Variants in ARHGAP6 observed in about 807,000 individuals in gnomAD.
ARHGAP6 encodes the protein Rho GTPase activating protein 6.
A neutral mutation model predicts 55.7 loss-of-function variants in ARHGAP6; 16 were observed. The ratio of observed to expected loss-of-function variants is 0.29; its 90% confidence interval spans 0.19 to 0.44. The LOEUF is 0.44. Ranked by LOEUF, ARHGAP6 falls within the 20% of genes least tolerant of loss-of-function variation. The pLI is 1.00. For synonymous variants in ARHGAP6, 382 were observed against 360.9 expected (o/e 1.06, Z -0.66); for missense variants, 698 against 808.9 (o/e 0.86, Z 1.66).
intron 1 of ARHGAP6, among the ~76,000 whole-genome samples, chrX:11,313,808 G>A (rs2048326347): frequency 8.9e-6 from 1 of 112,232 alleles, no homozygotes. Context: ...ATTGAAGGAA[G>A]ACAAGTACGC....
At chrX:11,400,657 G>A (rs1325017599) in intron 1 of ARHGAP6, among the ~76,000 whole-genome samples, 2 of 110,618 alleles carry the variant, frequency 1.8e-5, no homozygotes, top group Non-Finnish European at 3.8e-5. Context: ...TTAGATTTCT[G>A]TCCCACTCAA....
intron 5 of ARHGAP6, among the ~76,000 whole-genome samples, chrX:11,182,413 C>T (rs945008647): frequency 9.0e-6 from 1 of 111,287 alleles, no homozygotes; most frequent in Non-Finnish European, 1.9e-5. Context: ...TGTCCATTAT[C>T]CAGAATTATT....
chrX:11,574,830 T>C (rs910355281), intron 1 of ARHGAP6, among the ~76,000 whole-genome samples: 28 of 110,249 alleles, frequency 2.5e-4, no homozygotes, highest in African/African-American at 4.0e-4. Flanking sequence ...GAAAACCCCA[T>C]TGTCTCAGCC....
intron 3 of ARHGAP6, among the ~76,000 whole-genome samples, chrX:11,191,381 A>G (rs977822209): frequency 2.1e-4 from 24 of 112,207 alleles, no homozygotes; most frequent in Admixed American, 9.4e-4. Context: ...AGCCACAGAC[A>G]GTAAGTAAAT....
chrX:11,415,122 A>T (rs746313919), intron 1 of ARHGAP6, among the ~76,000 whole-genome samples: 1 of 112,391 alleles, frequency 8.9e-6, no homozygotes, highest in East Asian at 2.8e-4. Flanking sequence ...CATATTGTAC[A>T]TCATAAATAT....
At chrX:11,594,018 A>G (rs1385700524) in intron 1 of ARHGAP6, among the ~76,000 whole-genome samples, 1 of 112,573 alleles carries the variant, frequency 8.9e-6, no homozygotes, top group Non-Finnish European at 1.9e-5. Flanking sequence ...CCTGGCCTTG[A>G]CATACGGTTC....
At chrX:11,234,328 T>C (rs2047170895) in intron 2 of ARHGAP6, among the ~76,000 whole-genome samples, 1 of 112,474 alleles carries the variant, frequency 8.9e-6, no homozygotes, top group South Asian at 3.7e-4. Flanking sequence ...TTGAAACTGC[T>C]GCAGGGAAAA....
chrX:11,581,359 G>A (rs2051663918), intron 1 of ARHGAP6, among the ~76,000 whole-genome samples: 2 of 111,858 alleles, frequency 1.8e-5, no homozygotes, highest in South Asian at 7.5e-4. Flanking sequence ...AGCAGCTTTG[G>A]AAAACAGTCT....
chrX:11,552,555 CATATATATATATATATAT>C lies in ARHGAP6; in HGVS notation c.588+111668_588+111685del, dbSNP rs59008705. ...GGATGAACTGATAAAGAAAATGTGC[CATATATATATATATATAT>C]ATATATATATATATATATATATATA... On this transcript the variant is annotated intron_variant, in intron 1 of 12. Transcript: ENST00000337414. 3.2e-3 allele frequency among the ~76,000 whole-genome samples: 40 copies of C among 12,539 alleles called. 1 individual carries two copies. In the East Asian group the frequency reaches 0.043, roughly 13 times the overall value. The allele number at this position is 12,539 out of a possible 115,157, so 10.9% of individuals were successfully genotyped here.
intron 11 of ARHGAP6, 91 bp from the exon 12 acceptor site, chrX:11,142,404 T>C (rs2045632236): frequency 8.7e-6 from 5 of 572,903 alleles, no homozygotes; most frequent in African/African-American, 2.3e-5. Context: ...GTGCAAAGTA[T>C]TGTATTCAAG....
intron 1 of ARHGAP6, among the ~76,000 whole-genome samples, chrX:11,418,135 C>T (rs765652465): frequency 8.0e-5 from 9 of 111,885 alleles, no homozygotes; most frequent in Non-Finnish European, 1.1e-4. Flanking sequence ...TGGTCTGCGT[C>T]CTTTTGGATT....
intron 2 of ARHGAP6, among the ~76,000 whole-genome samples, chrX:11,243,112 C>T (rs753702765): frequency 3.7e-4 from 36 of 97,848 alleles, no homozygotes; most frequent in Non-Finnish European, 6.5e-4. Flanking sequence ...CTGTGCTAGA[C>T]GCTAAAGCAA....
intron 1 of ARHGAP6, among the ~76,000 whole-genome samples, chrX:11,497,855 T>C (rs1269671465): frequency 9.0e-6 from 1 of 110,512 alleles, no homozygotes; most frequent in Non-Finnish European, 1.9e-5. Context: ...CCTTCCTTTT[T>C]TCACTTTAAC....
chrX:11,408,643 G>A (rs35473948), intron 1 of ARHGAP6, among the ~76,000 whole-genome samples: 2,908 of 110,231 alleles, frequency 0.026, 73 homozygotes, highest in African/African-American at 0.078. Context: ...CAGTATGGAC[G>A]CTGCTGCCCA....
chrX:11,359,830 A>G (rs1252509363), intron 1 of ARHGAP6, among the ~76,000 whole-genome samples: 1 of 112,253 alleles, frequency 8.9e-6, no homozygotes, highest in Non-Finnish European at 1.9e-5. Context: ...GGATATCACC[A>G]CCGATCCCAC....
intron 1 of ARHGAP6, among the ~76,000 whole-genome samples, chrX:11,518,081 C>G (rs777587085): frequency 8.9e-6 from 1 of 111,824 alleles, no homozygotes; most frequent in Non-Finnish European, 1.9e-5. Flanking sequence ...TCAGTATCTT[C>G]CTTACCCACG....
intron 1 of ARHGAP6, among the ~76,000 whole-genome samples, chrX:11,314,444 C>T (rs1330209457): frequency 2.7e-5 from 3 of 112,156 alleles, no homozygotes; most frequent in Admixed American, 9.4e-5. Flanking sequence ...AGCTGTTTTT[C>T]TCATAGCTAG....
intron 1 of ARHGAP6, among the ~76,000 whole-genome samples, chrX:11,635,402 T>A (rs1263555949): frequency 1.8e-5 from 2 of 112,294 alleles, no homozygotes; most frequent in African/African-American, 3.2e-5. Flanking sequence ...GAGATTTTTT[T>A]AAAATGAGCA....
chrX:11,654,142 G>A (rs1024260613), intron 1 of ARHGAP6, among the ~76,000 whole-genome samples: 2 of 111,352 alleles, frequency 1.8e-5, no homozygotes, highest in Non-Finnish European at 3.8e-5. Context: ...TATATTAAAC[G>A]CTGAGGCAGC....
Sources: allele counts gnomAD v4.1 joint callset (sites outside exome capture counted in the v4.1 genomes callset), GRCh38; gene constraint gnomAD v4.1.1; transcripts MANE v1.5; gene names NCBI Gene and HGNC (gene_info 2026-07-23, HGNC 2026-07-21).